The following FHOD3 variants were observed in gnomAD, a reference collection of about 807,000 sequenced individuals.
The protein encoded by FHOD3 is FH1/FH2 domain-containing protein 3.
A neutral mutation model predicts 173.0 loss-of-function variants in FHOD3; 90 were observed. The ratio of observed to expected loss-of-function variants is 0.52; its 90% CI spans 0.44 to 0.62. The LOEUF is 0.62. Ranked by LOEUF, FHOD3 falls within the 20% of genes least tolerant of loss-of-function variation. The pLI, the probability that FHOD3 is intolerant of heterozygous loss-of-function variation, is 0.00. For synonymous variants in FHOD3, 828 were observed against 823.0 expected (o/e 1.01, Z -0.10); for missense variants, 1,945 against 2,034.7 (o/e 0.96, Z 0.85).
chr18:36,701,139 AAGC>A (rs2039565938), intron 17 of FHOD3, among the ~76,000 whole-genome samples: 1 of 152,226 alleles, frequency 6.6e-6, no homozygotes, highest in Non-Finnish European at 1.5e-5. Flanking sequence ...GCGAATGGTC[AAGC>A]ATGACAAAAG....
At chr18:36,617,610 T>TGTGTGC (rs1555783664) in intron 9 of FHOD3, among the ~76,000 whole-genome samples, 3,110 of 146,084 alleles carry the variant, frequency 0.021, 66 homozygotes, top group East Asian at 0.095. Context: ...TGTGTGTGTG[T>TGTGTGC]GTGTGTGTGC....
intron 1 of FHOD3, among the ~76,000 whole-genome samples, chr18:36,328,364 G>A (rs755556174): frequency 5.9e-5 from 9 of 152,284 alleles, no homozygotes; most frequent in African/African-American, 1.7e-4. Flanking sequence ...CTTTCTGGGT[G>A]GGGGGAACAG....
At chr18:36,428,457 C>T (rs1022879871) in intron 3 of FHOD3, among the ~76,000 whole-genome samples, 5 of 152,108 alleles carry the variant, frequency 3.3e-5, no homozygotes, top group South Asian at 2.1e-4. Context: ...AGCCCCACTC[C>T]GGCCTGTGAA....
intron 27 of FHOD3, among the ~76,000 whole-genome samples, chr18:36,767,090 A>T (rs370205620): frequency 1.3e-5 from 2 of 152,280 alleles, no homozygotes; most frequent in East Asian, 3.9e-4. Flanking sequence ...AAATACCGTG[A>T]CCATTCTGAG....
Position 36,512,469 on chromosome 18 carries a change from T to G in FHOD3, c.437T>G (p.Val146Gly). The stretch of plus-strand genomic sequence containing the variant: ...AAGGATTTGGTGCATGAATTTGTAG[T>G]GGCTGAAGGTCTGACATGTTTGATC... ...DDKDLVHEFV[V>G]AEGLTCLIKV... Residue 146 changes from valine (V) to glycine (G), a missense_variant, in exon 5 of 29, where the codon GTG becomes GGG. By Grantham distance (109) the Val-to-Gly change is moderately radical (BLOSUM62 -3). This residue lies in a region of FHOD3 where 245 missense variants were observed against 267.7 expected (regional missense o/e 0.92). Coordinates refer to ENST00000590592, the MANE Select transcript of FHOD3 (RefSeq NM_001281740.3). 1 of 1,614,148 alleles carries G rather than the reference T, an allele frequency of 6.2e-7. No individual in the cohort carries two copies. The highest frequency in any genetic ancestry group is 8.5e-7 in the Non-Finnish European group (1 of 1,180,014).
intron 10 of FHOD3, among the ~76,000 whole-genome samples, chr18:36,634,256 A>G (rs2034716659): frequency 6.6e-6 from 1 of 152,128 alleles, no homozygotes; most frequent in African/African-American, 2.4e-5. Context: ...GCAGGAGTGA[A>G]GAAGAGTTTT....
At chr18:36,365,833 C>T (rs774980360) in intron 2 of FHOD3, among the ~76,000 whole-genome samples, 10 of 152,104 alleles carry the variant, frequency 6.6e-5, no homozygotes, top group Non-Finnish European at 8.8e-5. Context: ...AAGTTCATTC[C>T]GTCTGCCTCA....
intron 4 of FHOD3, among the ~76,000 whole-genome samples, chr18:36,509,426 C>CAAAA (rs34772691): frequency 4.9e-4 from 27 of 54,812 alleles, no homozygotes; most frequent in African/African-American, 1.3e-3. Context: ...GACTCCATCT[C>CAAAA]AAAAAAAAAA....
chr18:36,456,070 G>A (rs535747353), intron 3 of FHOD3, among the ~76,000 whole-genome samples: 2 of 152,042 alleles, frequency 1.3e-5, no homozygotes, highest in Non-Finnish European at 2.9e-5. Flanking sequence ...GTACTTTTCC[G>A]ATGTTTTCCA....
In FHOD3 at chr18:36,511,403, T is replaced by A. The variant is rs1193349573; in HGVS notation, c.406-1035T>A. 4.0e-5 allele frequency among the ~76,000 whole-genome samples: 6 copies of A among 151,650 alleles called. 1 individual carries two copies. In the South Asian group the frequency reaches 1.0e-3, roughly 26 times the overall value. ...TCTTTTTGCCACTCCTGAGTCTTAG[T>A]GTCTTTATCTGTAAAGAAAAGCTAC... On this transcript the variant is annotated intron_variant, in intron 4 of 28. Coordinates refer to ENST00000590592, the MANE Select transcript of FHOD3 (RefSeq NM_001281740.3).
chr18:36,633,216 G>A lies in FHOD3; in HGVS notation c.1196+7467G>A, dbSNP rs143745468. Among the ~76,000 whole-genome samples, 1,246 of 152,306 alleles carry A rather than the reference G, an allele frequency of 8.2e-3. 23 individuals carry two copies. Among genetic ancestry groups the A allele is most frequent in the African/African-American group, 0.028 (1,159 of 41,556 alleles). On this transcript the variant is annotated intron_variant, in intron 10 of 28. Coordinates refer to ENST00000590592, the MANE Select transcript of FHOD3 (RefSeq NM_001281740.3). ...ACTCTGCCATTTTGCCTCTTAGTGCGTGTGCTTGAGCCCAATCACCCAACT... is the reference window on the plus strand; with the variant it reads ...ACTCTGCCATTTTGCCTCTTAGTGCATGTGCTTGAGCCCAATCACCCAACT...
rs558712103 is a variant in FHOD3, at chr18:36,564,490, G to A, written c.512-11961G>A. 3.2e-4 allele frequency among the ~76,000 whole-genome samples: 48 copies of A among 152,268 alleles called. No individual in the cohort carries two copies. In the South Asian group the frequency reaches 8.5e-3, roughly 27 times the overall value. On this transcript the variant is annotated intron_variant, in intron 5 of 28. Transcript: ENST00000590592. ...CAGCAGTAATGAAGCACCTGTTTCT[G>A]TACAGGTGGCTGATGAGGGCTCCTT... is the stretch of plus-strand genomic sequence containing the variant.
At chr18:36,777,971 G>A (rs1195348394) in intron 28 of FHOD3, 1 of 152,194 alleles carries the variant, frequency 6.6e-6, no homozygotes, top group Non-Finnish European at 1.5e-5. Context: ...TGAGTTAAAT[G>A]CTGAGCACAC....
Position 36,502,008 on chromosome 18 carries a change from G to A in FHOD3, c.405+9G>A. On this transcript the variant is annotated intron_variant, in intron 4 of 28. Coordinates refer to ENST00000590592, the MANE Select transcript of FHOD3 (RefSeq NM_001281740.3). ...TGAAGCAGATATTTCAGGTAAATAG[G>A]AAAAAAATAAGTACTTACCTGTTTT... 1.3e-6 allele frequency: 2 copies of A among 1,584,862 alleles called. No individual in the cohort carries two copies. The highest frequency in any genetic ancestry group is 1.7e-6 in the Non-Finnish European group (2 of 1,161,174).
intron 26 of FHOD3, 47 bp downstream of exon 26, chr18:36,759,188 T>C: frequency 6.6e-7 from 1 of 1,518,244 alleles, no homozygotes; most frequent in Non-Finnish European, 8.8e-7. Flanking sequence ...TACCACCTCA[T>C]GTATGCTCTG....
intron 3 of FHOD3, among the ~76,000 whole-genome samples, chr18:36,462,903 G>T (rs1015408699): frequency 2.0e-5 from 3 of 152,186 alleles, no homozygotes; most frequent in Admixed American, 2.0e-4. Flanking sequence ...TGGGATTATA[G>T]ATATGAGATG....
At chr18:36,764,959 C>T (rs1340767578) in intron 27 of FHOD3, among the ~76,000 whole-genome samples, 1 of 152,160 alleles carries the variant, frequency 6.6e-6, no homozygotes, top group Non-Finnish European at 1.5e-5. Context: ...AATCTGGGCA[C>T]AAGCTGAGGA....
intron 23 of FHOD3, among the ~76,000 whole-genome samples, 194 bp downstream of exon 23, chr18:36,744,387 G>A (rs1176088725): frequency 6.6e-6 from 1 of 152,232 alleles, no homozygotes; most frequent in Non-Finnish European, 1.5e-5. Context: ...TCCTATCTCT[G>A]GTTCTCAGTC....
At chr18:36,467,551 C>G (rs2053016617) in intron 3 of FHOD3, among the ~76,000 whole-genome samples, 1 of 152,094 alleles carries the variant, frequency 6.6e-6, no homozygotes, top group Admixed American at 6.5e-5. Context: ...TGTGAGGGAG[C>G]GAAGGGGGTC....
Sources: gnomAD v4.1 joint callset for allele counts (sites outside exome capture counted in the v4.1 genomes callset) on GRCh38, gnomAD v4.1.1 for gene constraint, gnomAD v4.1.1 regional missense constraint, MANE v1.5 for transcripts, NCBI Gene and HGNC (gene_info 2026-07-23, HGNC 2026-07-21) for gene names.